Variants in SMCHD1 observed in about 807,000 individuals in gnomAD.
The protein encoded by SMCHD1 is structural maintenance of chromosomes flexible hinge domain-containing protein 1.
SMCHD1 carries 78 observed loss-of-function variants against 254.7 expected under a neutral mutation model. The observed-to-expected ratio is 0.31, with a 90% CI of 0.26 to 0.37. The LOEUF (loss-of-function observed/expected upper bound fraction) is 0.37. SMCHD1 is among the 10% of genes least tolerant of loss of function. SMCHD1 has a pLI of 1.00. For synonymous variants in SMCHD1, 766 were observed against 794.9 expected (o/e 0.96, Z 0.61); for missense variants, 1,840 against 2,408.1 (o/e 0.76, Z 4.94).
rs780994607 is a variant in SMCHD1, at chr18:2,769,769, C to G, written c.4795C>G (p.Leu1599Val). The G allele has an allele frequency of 2.5e-6, 4 of 1,604,448 alleles. No homozygotes were observed. In the Admixed American group the frequency reaches 6.8e-5, roughly 27 times the overall value. ...TATTGTATTTGAGCCCCGGCTACCA[C>G]TTTTATCAAGAACCTTAGAACCATA... is the stretch of plus-strand genomic sequence containing the variant. ...YFIVFEPRLPLLSRTLEPYIL... is the reference protein window; with the variant it reads ...YFIVFEPRLPVLSRTLEPYIL... The change falls in exon 38 of 48, where the codon CTT becomes GTT. Residue 1599 changes from leucine to valine, a missense_variant. Coordinates refer to ENST00000320876, the MANE Select transcript of SMCHD1 (RefSeq NM_015295.3).
chr18:2,675,543 G>A (rs904242078), intron 5 of SMCHD1, among the ~76,000 whole-genome samples: 7 of 152,082 alleles, frequency 4.6e-5, no homozygotes, highest in African/African-American at 1.7e-4. Flanking sequence ...GATTACAGGC[G>A]TGAGCCACTG....
At chr18:2,738,738 T>G (rs916638965) in intron 26 of SMCHD1, among the ~76,000 whole-genome samples, 193 bp downstream of exon 26, 1 of 152,224 alleles carries the variant, frequency 6.6e-6, no homozygotes, top group African/African-American at 2.4e-5. Flanking sequence ...GAATTGGCCT[T>G]CTAGTAGCTG....
chr18:2,770,223 G>C, intron 39 of SMCHD1, 115 bp downstream of exon 39: 1 of 1,058,214 alleles, frequency 9.4e-7, no homozygotes, highest in Non-Finnish European at 1.3e-6. Context: ...AATACAGAAT[G>C]TTTCAGAAAG....
At chr18:2,659,168 A>T (rs1448555552) in intron 1 of SMCHD1, among the ~76,000 whole-genome samples, 1 of 152,130 alleles carries the variant, frequency 6.6e-6, no homozygotes, top group Non-Finnish European at 1.5e-5. Context: ...CCCGGGCTGG[A>T]GTGCAGTGGT....
chr18:2,707,793 T>C lies in SMCHD1; in HGVS notation c.2147-14T>C, dbSNP rs2074554013. On this transcript the variant is annotated splice_polypyrimidine_tract_variant and intron_variant, in intron 16 of 47. Coordinates refer to ENST00000320876, the MANE Select transcript of SMCHD1 (RefSeq NM_015295.3). Reference sequence around the variant, plus strand: ...TTGGGTGTAATTAAGATACTTTTAATTTTTGACTCATAGGTGCGTTAAGAA... The same window carrying C: ...TTGGGTGTAATTAAGATACTTTTAACTTTTGACTCATAGGTGCGTTAAGAA... 1.9e-6 allele frequency: 3 copies of C among 1,581,864 alleles called. No individual in the cohort carries two copies.
chr18:2,744,826 GTTTGTTTTGT>G (rs202064298), intron 29 of SMCHD1, among the ~76,000 whole-genome samples: 2 of 151,912 alleles, frequency 1.3e-5, no homozygotes, highest in Admixed American at 6.6e-5. Flanking sequence ...TGGTTTTTTT[GTTTGTTTTGT>G]TTTGTTTTGT....
intron 42 of SMCHD1, 39 bp from the exon 43 acceptor site, chr18:2,777,767 A>G (rs1407052331): frequency 8.9e-7 from 1 of 1,128,936 alleles, no homozygotes; most frequent in Non-Finnish European, 1.3e-6. Flanking sequence ...TTAAAAAGTC[A>G]TGTGCTTTAA....
intron 25 of SMCHD1, among the ~76,000 whole-genome samples, chr18:2,735,068 CA>C (rs34701329): frequency 0.76 from 112,913 of 148,990 alleles, 42,575 homozygotes; most frequent in Admixed American, 0.8. Flanking sequence ...AGACTCATCT[CA>C]AAAAAAAAAA....
intron 12 of SMCHD1, among the ~76,000 whole-genome samples, chr18:2,703,328 T>C (rs1314092114): frequency 2.0e-5 from 3 of 152,172 alleles, no homozygotes; most frequent in Non-Finnish European, 4.4e-5. Context: ...GAATGTGGTT[T>C]ACAGTTAGAA....
intron 45 of SMCHD1, among the ~76,000 whole-genome samples, chr18:2,785,739 A>G (rs1204381382): frequency 2.1e-5 from 3 of 145,246 alleles, no homozygotes; most frequent in Admixed American, 1.4e-4. Flanking sequence ...TTCGGTATGC[A>G]CAGTTGAAAC....
intron 8 of SMCHD1, among the ~76,000 whole-genome samples, chr18:2,695,196 T>G (rs2074260580): frequency 6.6e-6 from 1 of 152,182 alleles, no homozygotes; most frequent in African/African-American, 2.4e-5. Flanking sequence ...TGTGCCTATA[T>G]GACATTAGTA....
intron 3 of SMCHD1, among the ~76,000 whole-genome samples, chr18:2,669,860 CA>C (rs960808613): frequency 6.6e-6 from 1 of 152,192 alleles, no homozygotes; most frequent in Non-Finnish European, 1.5e-5. Context: ...TCCTGCTGCA[CA>C]GGCCAAAAAT....
At chr18:2,661,897 C>G (rs1317358250) in intron 1 of SMCHD1, among the ~76,000 whole-genome samples, 1 of 151,814 alleles carries the variant, frequency 6.6e-6, no homozygotes, top group Non-Finnish European at 1.5e-5. Context: ...TGGCTCACGC[C>G]TGTAATCCCA....
chr18:2,730,416 C>T (rs931145485), intron 24 of SMCHD1, among the ~76,000 whole-genome samples: 17 of 152,108 alleles, frequency 1.1e-4, no homozygotes, highest in Admixed American at 2.0e-4. Context: ...GTGATCCACC[C>T]ACCTCGGCCT....
chr18:2,699,218 G>T (rs185139302), intron 10 of SMCHD1, among the ~76,000 whole-genome samples: 4 of 152,206 alleles, frequency 2.6e-5, no homozygotes, highest in Admixed American at 2.0e-4. Flanking sequence ...ACCTCATAGG[G>T]GTGTTGTGAA....
intron 37 of SMCHD1, among the ~76,000 whole-genome samples, chr18:2,768,645 T>C (rs995116270): frequency 2.0e-5 from 2 of 100,482 alleles, no homozygotes; most frequent in South Asian, 3.8e-4. Flanking sequence ...ATATATAGTA[T>C]ACAGTATATA....
At chr18:2,767,132 C>T (rs966074315) in intron 37 of SMCHD1, among the ~76,000 whole-genome samples, 3 of 151,974 alleles carry the variant, frequency 2.0e-5, no homozygotes, top group Admixed American at 6.6e-5. Context: ...TGACAACGCA[C>T]CTATAGCCCC....
At chr18:2,720,943 T>G (rs2143392917) in intron 19 of SMCHD1, among the ~76,000 whole-genome samples, 1 of 152,290 alleles carries the variant, frequency 6.6e-6, no homozygotes, top group African/African-American at 2.4e-5. Context: ...GTGCTGTGTC[T>G]CTCACTTCTA....
At chr18:2,765,145 AT>A (rs2075845724) in intron 37 of SMCHD1, among the ~76,000 whole-genome samples, 1 of 152,148 alleles carries the variant, frequency 6.6e-6, no homozygotes, top group South Asian at 2.1e-4. Context: ...TTTCTTAAAA[AT>A]ATTAGTGCTC....
Sources: allele counts gnomAD v4.1 joint callset (sites outside exome capture counted in the v4.1 genomes callset), GRCh38; gene constraint gnomAD v4.1.1; transcripts MANE v1.5; gene names NCBI Gene and HGNC (gene_info 2026-07-23, HGNC 2026-07-21).